ADGRF1: variants seen among roughly 807,000 people sequenced by gnomAD.
ADGRF1 encodes the protein adhesion G protein-coupled receptor F1.
In ADGRF1, 85 loss-of-function variants were observed where a neutral mutation model predicts 87.2. The observed-to-expected ratio is 0.97, with a 90% confidence interval of 0.82 to 1.17. ADGRF1 has a LOEUF of 1.17. Among genes scored for constraint, ADGRF1 ranks in the 50% most tolerant of loss-of-function variants. ADGRF1 has a pLI of 0.00. For missense variants in ADGRF1, 1,169 were observed against 1,077.2 expected, an observed-to-expected ratio of 1.09 and a Z score of -1.19; for synonymous variants, 430 against 408.8, an observed-to-expected ratio of 1.05 and a Z score of -0.63.
chr6:47,014,509 C>T, intron 9 of ADGRF1, 172 bp downstream of exon 9: 1 of 1,386,206 alleles, frequency 7.2e-7, no homozygotes, highest in Non-Finnish European at 9.3e-7. Flanking sequence ...CCAGACGCTA[C>T]CACTCATGCA....
rs1284414630 is a variant in ADGRF1, at chr6:47,000,293, G to A, written c.2662C>T (p.His888Tyr). ...KPFNPLQNKG[H>Y]YAFSHTGDSS... ...TCTCCAGTATGAGAAAATGCATAAT[G>A]GCCTGAAGGGGAAAAAAAAAGGAAA... Residue 888 changes from histidine (H) to tyrosine (Y), a missense_variant and splice_region_variant, in exon 15 of 15, where the codon CAT becomes TAT. Transcript: ENST00000371253. 1.3e-6 allele frequency: 2 copies of A among 1,586,060 alleles called. No individual in the cohort carries two copies. Among genetic ancestry groups the A allele is most frequent in the Admixed American group, 3.3e-5 (2 of 59,738 alleles).
intron 7 of ADGRF1, 151 bp from the exon 8 acceptor site, chr6:47,016,919 C>A (rs1779897742): frequency 3.2e-6 from 3 of 948,896 alleles, no homozygotes; most frequent in Admixed American, 7.6e-5. Context: ...AATAAAAAAA[C>A]AAGTATCCAC....
chr6:47,005,633 T>C (rs981708459), intron 13 of ADGRF1, among the ~76,000 whole-genome samples, 184 bp downstream of exon 13: 3 of 152,192 alleles, frequency 2.0e-5, no homozygotes, highest in Non-Finnish European at 2.9e-5. Context: ...ATTTAATCAC[T>C]CATTCACTCA....
Position 47,009,581 on chromosome 6 carries a change from T to A in ADGRF1, c.1854A>T (p.Gln618His), listed in dbSNP as rs138431849. 3.7e-6 allele frequency: 6 copies of A among 1,614,102 alleles called. No homozygotes were observed. The Admixed American group carries it at 6.7e-5, about 18-fold the overall frequency. Residue 618 changes from glutamine to histidine, a missense_variant, in exon 11 of 15, where the codon CAA (glutamine) becomes CAT (histidine). Coordinates refer to ENST00000371253, the MANE Select transcript of ADGRF1 (RefSeq NM_153840.4). ...ALFWKQIKKS[Q>H]TSHTRRICMV... ...TGCAAATACGACGTGTGTGAGAGGT[T>A]TGGCTTTTTTTAATCTGCTTCCAAA... is the stretch of plus-strand genomic sequence containing the variant.
chr6:47,026,942 C>A (rs1187573853), intron 3 of ADGRF1, among the ~76,000 whole-genome samples: 1 of 152,186 alleles, frequency 6.6e-6, no homozygotes, highest in African/African-American at 2.4e-5. Context: ...GGGTTAATGG[C>A]ACTGGTTCTG....
chr6:47,039,459 T>C (rs966141046), intron 1 of ADGRF1, among the ~76,000 whole-genome samples: 10 of 152,212 alleles, frequency 6.6e-5, no homozygotes, highest in African/African-American at 1.9e-4. Flanking sequence ...CATCAGCCAC[T>C]GACCAGGAGC....
chr6:47,007,512 A>G (rs1779566686), intron 11 of ADGRF1, among the ~76,000 whole-genome samples: 1 of 152,204 alleles, frequency 6.6e-6, no homozygotes, highest in Non-Finnish European at 1.5e-5. Flanking sequence ...TTGATGTCTA[A>G]ATAAGCAAAT....
intron 1 of ADGRF1, among the ~76,000 whole-genome samples, chr6:47,030,013 G>A (rs1027221150): frequency 1.3e-5 from 2 of 152,220 alleles, no homozygotes; most frequent in South Asian, 2.1e-4. Context: ...AAACTCAAGA[G>A]TCCTCCAGTG....
intron 14 of ADGRF1, 75 bp from the exon 15 acceptor site, chr6:47,000,370 C>G: frequency 9.3e-7 from 1 of 1,080,870 alleles, no homozygotes; most frequent in Non-Finnish European, 1.4e-6. Flanking sequence ...TGAAAATTAG[C>G]CTGTAGATTA....
In ADGRF1 at chr6:47,010,132, G is replaced by A. The variant is rs758848670; in HGVS notation, c.1303C>T (p.Pro435Ser). 1 of 1,614,092 alleles carries A rather than the reference G, an allele frequency of 6.2e-7. No individual in the cohort carries two copies. Among genetic ancestry groups the A allele is most frequent in the Non-Finnish European group, 8.5e-7 (1 of 1,179,998 alleles). Residue 435 changes from proline to serine, a missense_variant, in exon 11 of 15, where the codon CCA becomes TCA. Pro to Ser is a moderately conservative substitution (Grantham distance 74). Coordinates refer to ENST00000371253, the MANE Select transcript of ADGRF1 (RefSeq NM_153840.4). The part of the protein sequence containing the change: ...SRKFIDWKGI[P>S]VNKSQLKRGY... ...CTTTTGAGTTGGCTTTTGTTCACTG[G>A]AATCCCTTTCCAGTCAATGAATTTC...
At chr6:47,024,895 A>C (rs1780180106) in intron 4 of ADGRF1, among the ~76,000 whole-genome samples, 2 of 152,232 alleles carry the variant, frequency 1.3e-5, no homozygotes, top group South Asian at 4.1e-4. Context: ...TAGCCACTGC[A>C]ATGGAAGAGA....
chr6:47,034,204 C>T (rs1269133616), intron 1 of ADGRF1, among the ~76,000 whole-genome samples: 1 of 152,180 alleles, frequency 6.6e-6, no homozygotes, highest in African/African-American at 2.4e-5. Flanking sequence ...GAGCTCAGAT[C>T]TATTCACATT....
chr6:47,001,485 T>A lies in ADGRF1; in HGVS notation c.2659+16A>T. The A allele has an allele frequency of 6.2e-7, 1 of 1,611,188 alleles. No homozygotes were observed. Among genetic ancestry groups the A allele is most frequent in the Non-Finnish European group, 8.5e-7 (1 of 1,177,884 alleles). On this transcript the variant is annotated intron_variant, in intron 14 of 14. Coordinates refer to ENST00000371253, the MANE Select transcript of ADGRF1 (RefSeq NM_153840.4). ...TTTTCACACCTTTTATAACCTTTGG[T>A]TTTATTGTAACTCACCTTTGTTTTG... is the stretch of plus-strand genomic sequence containing the variant.
At chr6:47,008,716 G>T (rs1269560433) in intron 11 of ADGRF1, among the ~76,000 whole-genome samples, 1 of 152,206 alleles carries the variant, frequency 6.6e-6, no homozygotes, top group Non-Finnish European at 1.5e-5. Flanking sequence ...AACTCTAATA[G>T]ATTTAAAGCC....
rs3842121 is a variant in ADGRF1 at position 47,027,772 on chromosome 6, GA to G, written c.70-12del. On this transcript the variant is annotated splice_polypyrimidine_tract_variant and intron_variant, in intron 2 of 14. Transcript: ENST00000371253. ...GATGCCATCATTTTTCTGTTAAAAA[GA>G]AAAAAAATAGTTACGGTGAGACTTT... The G allele has an allele frequency of 2.7e-5, 38 of 1,411,522 alleles. No homozygotes were observed. The highest frequency in any genetic ancestry group is 3.4e-5 in the Non-Finnish European group (34 of 999,296). 87.4% of individuals were successfully genotyped at this position (1,411,522 alleles called of 1,614,324 possible).
intron 2 of ADGRF1, among the ~76,000 whole-genome samples, chr6:47,027,987 A>G (rs1452264689): frequency 6.6e-6 from 1 of 152,120 alleles, no homozygotes; most frequent in Non-Finnish European, 1.5e-5. Flanking sequence ...AGAGCCGCTG[A>G]GAGAGGAGAG....
At chr6:47,041,989 A>T (rs1780753205) in intron 1 of ADGRF1, among the ~76,000 whole-genome samples, 1 of 152,180 alleles carries the variant, frequency 6.6e-6, no homozygotes, top group Non-Finnish European at 1.5e-5. Context: ...TCACCTCATT[A>T]TAGTTAGTAA....
chr6:47,006,275 A>C (rs1779525233), intron 12 of ADGRF1, among the ~76,000 whole-genome samples: 1 of 152,174 alleles, frequency 6.6e-6, no homozygotes, highest in South Asian at 2.1e-4. Flanking sequence ...TTGTTCCTAT[A>C]ATTAGCAACA....
intron 1 of ADGRF1, among the ~76,000 whole-genome samples, chr6:47,040,431 C>T (rs1780704513): frequency 6.6e-6 from 1 of 152,060 alleles, no homozygotes; most frequent in African/African-American, 2.4e-5. Flanking sequence ...GAGATCACGC[C>T]ACTGCACTCC....
Sources: allele counts gnomAD v4.1 joint callset (sites outside exome capture counted in the v4.1 genomes callset), GRCh38; gene constraint gnomAD v4.1.1; transcripts MANE v1.5; gene names NCBI Gene and HGNC (gene_info 2026-07-23, HGNC 2026-07-21).